Variants in VEGFC observed in about 807,000 individuals in gnomAD.
The protein encoded by VEGFC is FLT4 ligand DHM.
Under a neutral mutation model 46.1 loss-of-function variants are expected in VEGFC, and 12 were observed. The ratio of observed to expected loss-of-function variants is 0.26; its 90% confidence interval spans 0.17 to 0.42. VEGFC has a LOEUF of 0.42. VEGFC is among the 10% of genes least tolerant of loss of function. The probability of loss-of-function intolerance (pLI) is 1.00; values close to 1 mark genes in which losing one functional copy is unlikely to be tolerated. For synonymous variants in VEGFC, 232 were observed against 195.5 expected, an observed-to-expected ratio of 1.19 and a Z score of -1.56; for missense variants, 488 against 529.4, an observed-to-expected ratio of 0.92 and a Z score of 0.77.
At chr4:176,747,010 T>G (rs1320025021) in intron 1 of VEGFC, among the ~76,000 whole-genome samples, 1 of 152,148 alleles carries the variant, frequency 6.6e-6, no homozygotes, top group Non-Finnish European at 1.5e-5. Context: ...ATCACTTGAC[T>G]GTGCGTCTGC....
intron 4 of VEGFC, among the ~76,000 whole-genome samples, chr4:176,711,047 TA>T (rs1734611787): frequency 6.6e-6 from 1 of 152,120 alleles, no homozygotes; most frequent in Non-Finnish European, 1.5e-5. Flanking sequence ...CACACATATA[TA>T]TTTTTATGTT....
chr4:176,740,275 CTCTATATAGAGTATATA>C (rs1273767892), intron 1 of VEGFC, among the ~76,000 whole-genome samples: 3 of 114,650 alleles, frequency 2.6e-5, no homozygotes, highest in African/African-American at 1.1e-4. Context: ...ACTATATATT[CTCTATATAGAGTATATA>C]TCTATATAGA....
chr4:176,771,854 C>T (rs893557104), intron 1 of VEGFC, among the ~76,000 whole-genome samples: 1 of 152,150 alleles, frequency 6.6e-6, no homozygotes, highest in Non-Finnish European at 1.5e-5. Context: ...CAAATCAACA[C>T]AGGAAAGTTG....
At position 176,752,082 on chromosome 4, in the gene VEGFC, G is replaced by A. The variant is rs1040816672; in HGVS notation, c.148-22336C>T. ...TTCAGTATACAAGTCTTACCAAAATGTAATAGTTATTTTTTTAATTTTCCA... is the reference window on the plus strand; with the variant it reads ...TTCAGTATACAAGTCTTACCAAAATATAATAGTTATTTTTTTAATTTTCCA... On this transcript the variant is annotated intron_variant, in intron 1 of 6. Transcript: ENST00000618562. Among the ~76,000 whole-genome samples, 3 of 151,978 alleles carry A rather than the reference G, an allele frequency of 2.0e-5. No individual in the cohort carries two copies. The East Asian group carries it at 5.8e-4, about 29-fold the overall frequency.
Position 176,792,075 on chromosome 4 carries a change from A to G in VEGFC, c.147+90T>C. ...GATCCCACGTACACAAGCTTAAAGCACACACACTTTCCCCCGCGCAGGTTC... is the reference window on the plus strand; with the variant it reads ...GATCCCACGTACACAAGCTTAAAGCGCACACACTTTCCCCCGCGCAGGTTC... On this transcript the variant is annotated intron_variant, in intron 1 of 6. Coordinates refer to ENST00000618562, the MANE Select transcript of VEGFC (RefSeq NM_005429.5). The surrounding 1 kb of genome is among the most constrained non-coding windows in gnomAD (Gnocchi z 6.3). The G allele has an allele frequency of 6.5e-6, 9 of 1,394,426 alleles. No homozygotes were observed. The highest frequency in any genetic ancestry group is 8.4e-6 in the Non-Finnish European group (9 of 1,069,014). 86.4% of individuals were successfully genotyped at this position (1,394,426 alleles called of 1,614,324 possible).
At chr4:176,755,404 G>A (rs151012097) in intron 1 of VEGFC, among the ~76,000 whole-genome samples, 119 of 152,046 alleles carry the variant, frequency 7.8e-4, no homozygotes, top group African/African-American at 2.6e-3. Context: ...TCTTGGTCAG[G>A]ATAAGTCTGA....
chr4:176,743,047 T>A (rs760499926), intron 1 of VEGFC, among the ~76,000 whole-genome samples: 1 of 152,034 alleles, frequency 6.6e-6, no homozygotes. Flanking sequence ...AAGCAGATAC[T>A]GAAGGCCAGA....
chr4:176,748,830 A>T lies in VEGFC; in HGVS notation c.148-19084T>A, dbSNP rs543902579. Among the ~76,000 whole-genome samples, 14 of 152,036 alleles carry T rather than the reference A, an allele frequency of 9.2e-5. 1 individual carries two copies. The Middle Eastern group carries it at 0.014, about 148-fold the overall frequency. On this transcript the variant is annotated intron_variant, in intron 1 of 6. Transcript: ENST00000618562. Reference sequence around the variant, plus strand: ...TTGATATAGTCTACCCACAAAATTTAAAAAAGTCATATACTTTTACAAAAT... The same window carrying T: ...TTGATATAGTCTACCCACAAAATTTTAAAAAGTCATATACTTTTACAAAAT...
At chr4:176,749,327 A>G (rs920421698) in intron 1 of VEGFC, among the ~76,000 whole-genome samples, 2 of 151,990 alleles carry the variant, frequency 1.3e-5, no homozygotes. Context: ...AACAGAAAAG[A>G]GATGTTATAG....
intron 1 of VEGFC, among the ~76,000 whole-genome samples, chr4:176,754,459 C>T (rs1735399410): frequency 1.3e-5 from 2 of 152,078 alleles, no homozygotes; most frequent in South Asian, 4.1e-4. Context: ...ACACTTTCTT[C>T]CCTTTTCTAG....
chr4:176,689,207 T>C (rs1734103048), intron 4 of VEGFC: 1 of 152,184 alleles, frequency 6.6e-6, no homozygotes. Context: ...TCCAAATTGA[T>C]AGAACATAGT....
At chr4:176,692,692 A>C (rs1432101772) in intron 4 of VEGFC, among the ~76,000 whole-genome samples, 3 of 149,126 alleles carry the variant, frequency 2.0e-5, no homozygotes, top group African/African-American at 7.7e-5. Flanking sequence ...ACAAACAAAA[A>C]GACAGAAGTA....
chr4:176,784,593 T>C (rs4568191), intron 1 of VEGFC, among the ~76,000 whole-genome samples: 105,780 of 148,796 alleles, frequency 0.71, 43,246 homozygotes, highest in East Asian at 0.99. Context: ...TAAAAAAATA[T>C]AAAAAAAAAA....
At chr4:176,687,087 C>T in intron 6 of VEGFC, 100 bp downstream of exon 6, 1 of 1,271,138 alleles carries the variant, frequency 7.9e-7, no homozygotes, top group Non-Finnish European at 1.1e-6. Flanking sequence ...GTATTGGCCT[C>T]ATTCTAACAA....
At chr4:176,779,597 C>G (rs1055038142) in intron 1 of VEGFC, among the ~76,000 whole-genome samples, 1 of 152,088 alleles carries the variant, frequency 6.6e-6, no homozygotes, top group African/African-American at 2.4e-5. Flanking sequence ...GAAACACTTT[C>G]CTCTGGAGTG....
At chr4:176,692,319 G>A (rs1283056405) in intron 4 of VEGFC, among the ~76,000 whole-genome samples, 4 of 133,860 alleles carry the variant, frequency 3.0e-5, no homozygotes, top group Non-Finnish European at 4.5e-5. Flanking sequence ...GCGTGAACCC[G>A]GCAGGCGGAG....
chr4:176,710,681 C>T (rs1451108730), intron 4 of VEGFC, among the ~76,000 whole-genome samples: 1 of 152,094 alleles, frequency 6.6e-6, no homozygotes, highest in Non-Finnish European at 1.5e-5. Flanking sequence ...TAAGTTTCAT[C>T]CATATGCACC....
intron 4 of VEGFC, among the ~76,000 whole-genome samples, chr4:176,693,262 C>T (rs1357637586): frequency 5.7e-5 from 8 of 140,652 alleles, no homozygotes; most frequent in African/African-American, 2.1e-4. Flanking sequence ...CTAGAATAAC[C>T]AATACAGAGA....
chr4:176,715,650 A>G (rs2111003248), intron 3 of VEGFC, among the ~76,000 whole-genome samples: 1 of 152,084 alleles, frequency 6.6e-6, no homozygotes, highest in East Asian at 1.9e-4. Flanking sequence ...AGTAAATTCT[A>G]TTTTCTTGTT....
Sources: gnomAD v4.1 joint callset for allele counts (sites outside exome capture counted in the v4.1 genomes callset) on GRCh38, gnomAD v4.1.1 for gene constraint, Gnocchi (gnomAD v3.1) non-coding constraint, MANE v1.5 for transcripts, NCBI Gene and HGNC (gene_info 2026-07-23, HGNC 2026-07-21) for gene names.